The following SPATA31F1 variants were observed in gnomAD, a reference collection of about 807,000 sequenced individuals.
The protein encoded by SPATA31F1 is SPATA31 subfamily F member 1, also known as protein SPATA31F1.
chr9:34,725,751 T>C, the SPATA31F1 span: 6 of 1,549,370 alleles, frequency 3.9e-6, no homozygotes, highest in African/African-American at 1.4e-5. Flanking sequence ...GACATCCAGT[T>C]TGGGGAAAGT....
At chr9:34,729,266 T>C in the SPATA31F1 span, 43 of 1,550,404 alleles carry the variant, frequency 2.8e-5, no homozygotes, top group Middle Eastern at 1.7e-4. Context: ...ATTAGTTCAG[T>C]TGGGATCACA....
At chr9:34,728,190 C>T in the SPATA31F1 span, 1 of 970,598 alleles carries the variant, frequency 1.0e-6, no homozygotes, top group South Asian at 1.7e-5. Context: ...GACTACAATC[C>T]TGAAAAGTCC....
the SPATA31F1 span, chr9:34,726,808 C>G: frequency 6.4e-7 from 1 of 1,551,748 alleles, no homozygotes. Context: ...ACATACTAGA[C>G]GTAGACAGCA....
At chr9:34,725,762 G>A in the SPATA31F1 span, 15 of 1,549,662 alleles carry the variant, frequency 9.7e-6, no homozygotes, top group South Asian at 8.3e-5. Flanking sequence ...TGGGGAAAGT[G>A]GGGAAGAGGG....
At chr9:34,726,850 C>G in the SPATA31F1 span, 63 of 1,551,654 alleles carry the variant, frequency 4.1e-5, no homozygotes, top group Non-Finnish European at 5.2e-5. Flanking sequence ...GCAATGGCCC[C>G]GATAAAGTCA....
chr9:34,724,140 T>G, the SPATA31F1 span: 3,931 of 1,548,164 alleles, frequency 2.5e-3, 214 homozygotes, highest in Admixed American at 0.072. Flanking sequence ...TCCTTGCTCT[T>G]GCTAGGGCTT....
the SPATA31F1 span, chr9:34,728,491 G>A: frequency 1.4e-5 from 13 of 923,736 alleles, 1 homozygote; most frequent in South Asian, 1.9e-4. Context: ...TTCAGTCTGG[G>A]GAACTGGAGT....
chr9:34,723,333 A>C, the SPATA31F1 span: 7 of 1,551,392 alleles, frequency 4.5e-6, no homozygotes, highest in Non-Finnish European at 5.2e-6. Context: ...GGTTGTCTGG[A>C]GTGTAGCCGG....
At chr9:34,726,260 A>G in the SPATA31F1 span, 8 of 1,524,914 alleles carry the variant, frequency 5.2e-6, no homozygotes, top group South Asian at 9.6e-5. Context: ...TTGGTAATAC[A>G]ATGGTGGGTT....
the SPATA31F1 span, chr9:34,723,955 C>T: frequency 2.6e-6 from 4 of 1,551,210 alleles, no homozygotes; most frequent in Admixed American, 5.9e-5. Flanking sequence ...ATCGCCAGGA[C>T]CCTCGGGGTG....
At chr9:34,723,099 G>T in the SPATA31F1 span, 1 of 1,096,742 alleles carries the variant, frequency 9.1e-7, no homozygotes, top group Non-Finnish European at 1.3e-6. Context: ...TGTCCCACCT[G>T]CACATTTATG....
the SPATA31F1 span, chr9:34,728,038 G>A: frequency 1.2e-5 from 19 of 1,552,136 alleles, no homozygotes; most frequent in Non-Finnish European, 1.7e-5. Flanking sequence ...ATGATGGAGA[G>A]CAGCTTCTGT....
the SPATA31F1 span, chr9:34,728,572 C>A: frequency 1.3e-6 from 2 of 1,544,824 alleles, no homozygotes; most frequent in Non-Finnish European, 1.8e-6. Context: ...GAAACACCCA[C>A]AGTGGAAGGG....
chr9:34,727,516 G>A, the SPATA31F1 span, among the ~76,000 whole-genome samples: 3 of 152,190 alleles, frequency 2.0e-5, no homozygotes, highest in South Asian at 6.2e-4. Context: ...AGCTCTTAAG[G>A]AGAGGATAAT....
the SPATA31F1 span, among the ~76,000 whole-genome samples, chr9:34,727,398 C>T: frequency 6.3e-4 from 96 of 152,362 alleles, no homozygotes; most frequent in Non-Finnish European, 1.1e-3. Flanking sequence ...GTATTCAGTA[C>T]TTCCAAGCTG....
the SPATA31F1 span, among the ~76,000 whole-genome samples, chr9:34,728,285 G>A: frequency 6.6e-6 from 1 of 152,228 alleles, no homozygotes; most frequent in Admixed American, 6.5e-5. Flanking sequence ...ACCACAATGT[G>A]ATTGAGGCAG....
At chr9:34,725,067 G>T in the SPATA31F1 span, 2 of 1,551,872 alleles carry the variant, frequency 1.3e-6, no homozygotes, top group Non-Finnish European at 1.7e-6. Flanking sequence ...CTTGCTGTCT[G>T]CAGTTCCAGG....
chr9:34,729,221 C>G, the SPATA31F1 span: 1 of 1,494,614 alleles, frequency 6.7e-7, no homozygotes, highest in Admixed American at 2.4e-5. Flanking sequence ...TAAGGGAGCA[C>G]GGTAAGAACT....
the SPATA31F1 span, chr9:34,728,503 T>C: frequency 1.7e-4 from 192 of 1,099,888 alleles, no homozygotes; most frequent in Admixed American, 8.9e-4. Flanking sequence ...AACTGGAGTC[T>C]TCAGTGGCAG....
Sources: gnomAD v4.1 joint callset for allele counts (sites outside exome capture counted in the v4.1 genomes callset) on GRCh38, gnomAD v4.1.1 for gene constraint, MANE v1.5 for transcripts, NCBI Gene and HGNC (gene_info 2026-07-23, HGNC 2026-07-21) for gene names.